Variants in HTR1F observed in about 807,000 individuals in gnomAD.
HTR1F encodes 5-hydroxytryptamine (serotonin) receptor 1F, G protein-coupled.
Under a neutral mutation model 24.0 loss-of-function variants are expected in HTR1F, and 17 were observed. The ratio of observed to expected loss-of-function variants is 0.71; its 90% CI spans 0.48 to 1.06. The LOEUF is 1.06. Among genes scored for constraint, HTR1F ranks in the 50% least tolerant of loss-of-function variants. The pLI is 0.00. For synonymous variants in HTR1F, 186 were observed against 156.8 expected (o/e 1.19, Z -1.39); for missense variants, 391 against 427.8 (o/e 0.91, Z 0.76).
chr3:87,896,972 T>C (rs1006525479), intron 2 of HTR1F, among the ~76,000 whole-genome samples: 8 of 152,108 alleles, frequency 5.3e-5, no homozygotes, highest in African/African-American at 1.9e-4. Context: ...ATGTAGCTTA[T>C]TGCAGCCCTT....
chr3:87,934,151 C>G (rs1704355107), intron 2 of HTR1F, among the ~76,000 whole-genome samples: 2 of 152,178 alleles, frequency 1.3e-5, no homozygotes, highest in African/African-American at 2.4e-5. Context: ...AACCCCTGTA[C>G]AGTAACTGTT....
At chr3:87,916,387 A>G (rs1576026061) in intron 2 of HTR1F, among the ~76,000 whole-genome samples, 1 of 151,932 alleles carries the variant, frequency 6.6e-6, no homozygotes, top group Middle Eastern at 3.4e-3. Context: ...TCTCAATACT[A>G]ACATTGAATG....
At chr3:87,926,799 A>G (rs1282070547) in intron 2 of HTR1F, among the ~76,000 whole-genome samples, 1 of 152,170 alleles carries the variant, frequency 6.6e-6, no homozygotes, top group Non-Finnish European at 1.5e-5. Context: ...TCACTTAGGA[A>G]GAGTTGCTAC....
At chr3:87,856,381 T>A (rs187646514) in intron 2 of HTR1F, among the ~76,000 whole-genome samples, 1 of 152,184 alleles carries the variant, frequency 6.6e-6, no homozygotes, top group East Asian at 1.9e-4. Context: ...CCAGCGAGCA[T>A]ATGGGAAATT....
intron 2 of HTR1F, among the ~76,000 whole-genome samples, chr3:87,846,467 G>A (rs535062841): frequency 2.0e-5 from 3 of 151,858 alleles, no homozygotes; most frequent in Non-Finnish European, 4.4e-5. Flanking sequence ...ACACAAAGCG[G>A]ATAACTGAAA....
intron 2 of HTR1F, among the ~76,000 whole-genome samples, chr3:87,973,004 A>G (rs1401755008): frequency 4.1e-5 from 2 of 48,738 alleles, no homozygotes; most frequent in Non-Finnish European, 1.3e-4. Flanking sequence ...CTACTAAAAT[A>G]CAAAAAAAAA....
chr3:87,938,155 C>T (rs1490674036), intron 2 of HTR1F, among the ~76,000 whole-genome samples: 8 of 152,072 alleles, frequency 5.3e-5, no homozygotes, highest in Non-Finnish European at 8.8e-5. Flanking sequence ...AACAGGCAAG[C>T]AGAGAGCCAA....
chr3:87,923,609 TCA>T (rs1559633343), intron 2 of HTR1F, among the ~76,000 whole-genome samples: 1 of 152,070 alleles, frequency 6.6e-6, no homozygotes, highest in African/African-American at 2.4e-5. Flanking sequence ...TGATTTTTTC[TCA>T]GTTATAAGAG....
intron 2 of HTR1F, among the ~76,000 whole-genome samples, chr3:87,916,976 T>C (rs997045404): frequency 6.6e-6 from 1 of 152,024 alleles, no homozygotes; most frequent in African/African-American, 2.4e-5. Context: ...AAAACAATTC[T>C]CAATAATTTT....
intron 2 of HTR1F, among the ~76,000 whole-genome samples, chr3:87,840,526 G>T (rs1158831320): frequency 2.6e-5 from 4 of 152,000 alleles, no homozygotes; most frequent in Admixed American, 2.6e-4. Flanking sequence ...CAGCCATTCT[G>T]GAAAACAGTA....
At chr3:87,822,539 T>G (rs1321942656) in intron 2 of HTR1F, among the ~76,000 whole-genome samples, 1 of 152,238 alleles carries the variant, frequency 6.6e-6, no homozygotes, top group Non-Finnish European at 1.5e-5. Flanking sequence ...GAAAATTTAA[T>G]GTTTTCTTTT....
At position 87,991,977 on chromosome 3, in the gene HTR1F, A is replaced by AT; in HGVS notation, c.*128dup. 1 of 702,618 alleles carries AT rather than the reference A, an allele frequency of 1.4e-6. No individual in the cohort carries two copies. The highest frequency in any genetic ancestry group is 2.9e-5 in the East Asian group (1 of 34,778). 43.5% of individuals were successfully genotyped at this position (702,618 alleles called of 1,614,324 possible). A position where few individuals can be genotyped will look rare whatever the true frequency, so the allele number is the denominator to read the frequency against. ...TGAAAACTGCTAAATTGATAAGGCT[A>AT]TAATTTATATTTTAATAGCAATGTG... On this transcript the variant is annotated 3_prime_UTR_variant, in exon 3 of 3. Coordinates refer to ENST00000319595, the MANE Select transcript of HTR1F (RefSeq NM_001322209.2).
chr3:87,881,875 A>C (rs1320894092), intron 2 of HTR1F, among the ~76,000 whole-genome samples: 1 of 152,226 alleles, frequency 6.6e-6, no homozygotes, highest in Non-Finnish European at 1.5e-5. Context: ...TAATTAAACT[A>C]AAGAGCTTCT....
intron 2 of HTR1F, among the ~76,000 whole-genome samples, chr3:87,872,521 C>T (rs1183675882): frequency 6.6e-6 from 1 of 151,792 alleles, no homozygotes; most frequent in Non-Finnish European, 1.5e-5. Flanking sequence ...ATTTGGCAAA[C>T]CCTTAACTTG....
intron 2 of HTR1F, among the ~76,000 whole-genome samples, chr3:87,960,033 C>A (rs1705027355): frequency 7.2e-5 from 11 of 151,910 alleles, no homozygotes; most frequent in Non-Finnish European, 1.5e-5. Flanking sequence ...ATATTCTCAT[C>A]TTGATCCTTA....
At chr3:87,830,451 C>A (rs1704551584) in intron 2 of HTR1F, among the ~76,000 whole-genome samples, 1 of 152,096 alleles carries the variant, frequency 6.6e-6, no homozygotes, top group Non-Finnish European at 1.5e-5. Context: ...TAGGAATATT[C>A]TTGGTCATGT....
At chr3:87,916,765 A>G (rs1703904805) in intron 2 of HTR1F, among the ~76,000 whole-genome samples, 3 of 151,484 alleles carry the variant, frequency 2.0e-5, no homozygotes, top group African/African-American at 4.8e-5. Context: ...TAGCAGCACA[A>G]TAATACTTCA....
chr3:87,927,547 T>A lies in HTR1F; in HGVS notation c.-42-63161T>A, dbSNP rs539693877. On this transcript the variant is annotated intron_variant, in intron 2 of 2. Coordinates refer to ENST00000319595, the MANE Select transcript of HTR1F (RefSeq NM_001322209.2). ...TATTATTTGGGTTTCCTAAATGGTA[T>A]ATTATATTTAGAAATCTAAATAATC... Among the ~76,000 whole-genome samples, 69 of 152,268 alleles carry A rather than the reference T, an allele frequency of 4.5e-4. 1 individual carries two copies. The South Asian group carries it at 0.013, about 28-fold the overall frequency.
intron 2 of HTR1F, among the ~76,000 whole-genome samples, chr3:87,952,848 G>GTT (rs147012818): frequency 2.5e-4 from 38 of 150,004 alleles, no homozygotes; most frequent in Admixed American, 6.7e-4. Flanking sequence ...CTTTTTACTT[G>GTT]TTTTTTTTTC....
Sources: allele counts gnomAD v4.1 joint callset (sites outside exome capture counted in the v4.1 genomes callset), GRCh38; gene constraint gnomAD v4.1.1; transcripts MANE v1.5; gene names NCBI Gene and HGNC (gene_info 2026-07-23, HGNC 2026-07-21).